The following CPAMD8 variants were observed in gnomAD, a reference collection of about 807,000 sequenced individuals.
CPAMD8 encodes the protein C3 and PZP-like alpha-2-macroglobulin domain-containing protein 8.
CPAMD8 carries 146 observed loss-of-function variants against 224.7 expected under a neutral mutation model. The ratio of observed to expected loss-of-function variants is 0.65; its 90% CI spans 0.57 to 0.75. The LOEUF (loss-of-function observed/expected upper bound fraction) is 0.75, where lower values mean the gene tolerates loss of function less well. CPAMD8 is among the 30% of genes least tolerant of loss of function. The pLI, the probability that CPAMD8 is intolerant of heterozygous loss-of-function variation, is 0.00. For synonymous variants in CPAMD8, 966 were observed against 1,044.6 expected (o/e 0.92, Z 1.45); for missense variants, 2,301 against 2,537.5 (o/e 0.91, Z 2.00).
intron 1 of CPAMD8, among the ~76,000 whole-genome samples, chr19:17,025,032 A>C (rs993237184): frequency 5.0e-4 from 76 of 152,360 alleles, no homozygotes; most frequent in African/African-American, 1.8e-3. Context: ...TGTGTCTCTC[A>C]GCACAGGGAT....
At chr19:17,003,913 C>CTT (rs572893226) in intron 8 of CPAMD8, among the ~76,000 whole-genome samples, 4,195 of 145,196 alleles carry the variant, frequency 0.029, 200 homozygotes, top group African/African-American at 0.098. Flanking sequence ...TTTTCTTTTT[C>CTT]TTTTTTTTTT....
At chr19:16,936,066 T>C (rs541767394) in intron 23 of CPAMD8, among the ~76,000 whole-genome samples, 1 of 152,006 alleles carries the variant, frequency 6.6e-6, no homozygotes, top group South Asian at 2.1e-4. Flanking sequence ...TAGCTAGGAC[T>C]ACAGGCACAA....
chr19:16,989,525 G>A (rs1187282914), intron 13 of CPAMD8, 118 bp downstream of exon 13: 1 of 1,263,252 alleles, frequency 7.9e-7, no homozygotes, highest in East Asian at 2.4e-5. Flanking sequence ...AACCTCCAGT[G>A]ATCCGCCTGC....
intron 13 of CPAMD8, among the ~76,000 whole-genome samples, chr19:16,988,327 C>T (rs141470965): frequency 5.4e-4 from 82 of 152,140 alleles, no homozygotes; most frequent in Middle Eastern, 6.8e-3. Context: ...TAAATAGCAA[C>T]GAGCCGGGCG....
At chr19:16,909,064 C>T (rs2052627668) in intron 29 of CPAMD8, among the ~76,000 whole-genome samples, 1 of 152,130 alleles carries the variant, frequency 6.6e-6, no homozygotes, top group Non-Finnish European at 1.5e-5. Context: ...GCTGGTTGCC[C>T]CCCAGCTCAT....
At chr19:16,970,830 C>T in intron 18 of CPAMD8, 61 bp downstream of exon 18, 1 of 1,507,446 alleles carries the variant, frequency 6.6e-7, no homozygotes, top group South Asian at 1.1e-5. Context: ...AGGACAAAGA[C>T]AAGCCCCAGA....
intron 29 of CPAMD8, among the ~76,000 whole-genome samples, chr19:16,913,691 C>T (rs1194894263): frequency 6.6e-6 from 1 of 152,130 alleles, no homozygotes; most frequent in Non-Finnish European, 1.5e-5. Flanking sequence ...CAGCCCATAA[C>T]ACAAGGCAAG....
chr19:16,897,465 TC>T (rs2052064764), intron 39 of CPAMD8: 2 of 552,196 alleles, frequency 3.6e-6, no homozygotes, highest in Non-Finnish European at 6.3e-6. Context: ...CCACTTCCCT[TC>T]CGCACTTACC....
intron 33 of CPAMD8, 24 bp from the exon 34 acceptor site, chr19:16,903,647 G>A: frequency 1.9e-6 from 3 of 1,614,068 alleles, no homozygotes; most frequent in Non-Finnish European, 2.5e-6. Context: ...TCACCGTGAG[G>A]CCCTGCTGAC....
intron 11 of CPAMD8, among the ~76,000 whole-genome samples, chr19:16,995,577 T>A (rs2056097783): frequency 6.6e-6 from 1 of 152,168 alleles, no homozygotes; most frequent in South Asian, 2.1e-4. Flanking sequence ...ATTTTTGTAT[T>A]TTCAGTAGAG....
chr19:16,906,417 TC>T, intron 30 of CPAMD8, among the ~76,000 whole-genome samples: 1 of 146,422 alleles, frequency 6.8e-6, no homozygotes, highest in South Asian at 2.2e-4. Flanking sequence ...TTTCCTTCCT[TC>T]CTTCCTTCCT....
intron 27 of CPAMD8, among the ~76,000 whole-genome samples, chr19:16,921,097 G>T (rs576033230): frequency 6.6e-6 from 1 of 152,184 alleles, no homozygotes; most frequent in South Asian, 2.1e-4. Flanking sequence ...GAGCTCCTGG[G>T]GCTGGGGGAG....
Position 16,897,730 on chromosome 19 carries a change from C to T in CPAMD8, c.5026G>A (p.Ala1676Thr). The T allele has an allele frequency of 6.4e-7, 1 of 1,568,868 alleles. No homozygotes were observed. Among genetic ancestry groups the T allele is most frequent in the Non-Finnish European group, 8.6e-7 (1 of 1,159,714 alleles). The stretch of plus-strand genomic sequence containing the variant: ...GGGGCGCGCTCCACTTCGTTGCACG[C>T]GGGTCCGGCGCACAGTTCCCGGGCG... ...PLARELCAGP[A>T]CNEVERAPAR... is the part of the protein sequence containing the mutation. The change falls in exon 39 of 42, where the codon GCG (alanine) becomes ACG (threonine). Residue 1676 changes from alanine to threonine, a missense_variant. Physicochemically the swap from Ala to Thr is moderately conservative, Grantham distance 58. Transcript: ENST00000443236.
chr19:16,943,037 T>C (rs2053957359), intron 22 of CPAMD8, among the ~76,000 whole-genome samples: 2 of 147,594 alleles, frequency 1.4e-5, no homozygotes, highest in South Asian at 4.2e-4. Flanking sequence ...AGACAGGGTC[T>C]GGCTCTCTCA....
At chr19:17,013,081 T>C (rs561138005) in intron 3 of CPAMD8, among the ~76,000 whole-genome samples, 2 of 152,124 alleles carry the variant, frequency 1.3e-5, no homozygotes, top group African/African-American at 2.4e-5. Flanking sequence ...CTCGGGAGGC[T>C]GAGGCAGGAG....
At chr19:17,022,247 T>A (rs1360045352) in intron 1 of CPAMD8, 66 bp from the exon 2 acceptor site, 59 of 1,548,640 alleles carry the variant, frequency 3.8e-5, no homozygotes, top group Non-Finnish European at 4.5e-5. Context: ...CCACCACAGC[T>A]AGGTCAGGGC....
rs1228992131 is a variant in CPAMD8, at chr19:16,928,137, C to T, written c.3242G>A (p.Trp1081Ter). Reference sequence around the variant, plus strand: ...GATTCGGAATTCACCCATGGAGCCCCAGCCGGTGGAAAAGCCAATGAACTG... The same window carrying T: ...GATTCGGAATTCACCCATGGAGCCCTAGCCGGTGGAAAAGCCAATGAACTG... ...EVQFIGFSTG[W>*]GSMGEFRIWR... The change falls in exon 25 of 42, where the codon TGG becomes TAG. Residue 1081 changes from tryptophan (W) to a stop codon, truncating the protein, a stop_gained. Coordinates refer to ENST00000443236, the MANE Select transcript of CPAMD8 (RefSeq NM_015692.5). LOFTEE classifies it high-confidence loss of function. 1 of 1,614,048 alleles carries T rather than the reference C, an allele frequency of 6.2e-7. No homozygotes were observed. Among genetic ancestry groups the T allele is most frequent in the African/African-American group, 1.3e-5 (1 of 74,950 alleles).
At chr19:16,895,706 T>C (rs1358392733) in intron 41 of CPAMD8, 7 of 348,086 alleles carry the variant, frequency 2.0e-5, no homozygotes, top group Non-Finnish European at 3.4e-5. Context: ...CAAGTCTTTT[T>C]GAGCAGCGAC....
intron 29 of CPAMD8, among the ~76,000 whole-genome samples, chr19:16,912,442 A>G (rs1272348558): frequency 6.6e-6 from 1 of 152,180 alleles, no homozygotes. Flanking sequence ...GGGCCTGTTG[A>G]GTGTTCACTG....
Sources: allele counts gnomAD v4.1 joint callset (sites outside exome capture counted in the v4.1 genomes callset), GRCh38; gene constraint gnomAD v4.1.1; transcripts MANE v1.5; gene names NCBI Gene and HGNC (gene_info 2026-07-23, HGNC 2026-07-21).